Variants in GVQW3 observed in about 807,000 individuals in gnomAD.
GVQW3 encodes GVQW motif containing 3, also known as protein GVQW3.
A neutral mutation model predicts 12.5 loss-of-function variants in GVQW3; 7 were observed. The ratio of observed to expected loss-of-function variants is 0.56; its 90% CI spans 0.32 to 1.05. The LOEUF is 1.05. Ranked by LOEUF, GVQW3 falls within the 50% of genes least tolerant of loss-of-function variation. The pLI, the probability that GVQW3 is intolerant of heterozygous loss-of-function variation, is 0.04. For synonymous variants in GVQW3, 71 were observed against 67.2 expected, an observed-to-expected ratio of 1.06 and a Z score of -0.28; for missense variants, 188 against 190.8, an observed-to-expected ratio of 0.99 and a Z score of 0.09.
chr11:76,395,144 A>G (rs1946928341), intron 1 of GVQW3: 1 of 152,276 alleles, frequency 6.6e-6, no homozygotes, highest in South Asian at 2.1e-4. Context: ...TAAAATTCAT[A>G]TGACAGAATT....
rs2134527528 is a variant in GVQW3, at chr11:76,381,956, T to A, written c.128T>A (p.Val43Asp). 1 of 1,536,346 alleles carries A rather than the reference T, an allele frequency of 6.5e-7. No homozygotes were observed. Among genetic ancestry groups the A allele is most frequent in the Non-Finnish European group, 8.7e-7 (1 of 1,146,966 alleles). ...YGDEVMSRARVFDWHKRFKEG... is the reference protein window; with the variant it reads ...YGDEVMSRARDFDWHKRFKEG... The stretch of plus-strand genomic sequence containing the variant: ...GATGAAGTCATGTCAAGGGCCAGAG[T>A]TTTTGACTGGCACAAAAGGTTTAAA... Residue 43 changes from valine (V) to aspartate (D), a missense_variant, in exon 1 of 2, where the codon GTT (valine) becomes GAT (aspartate). Transcript: ENST00000529331.
intron 1 of GVQW3, among the ~76,000 whole-genome samples, 179 bp from the exon 2 acceptor site, chr11:76,403,481 T>C (rs1947010354): frequency 6.6e-6 from 1 of 152,116 alleles, no homozygotes; most frequent in Non-Finnish European, 1.5e-5. Context: ...TGTTGTTTGT[T>C]TGTTTAGAAA....
At chr11:76,387,834 G>T (rs942837229) in intron 1 of GVQW3, among the ~76,000 whole-genome samples, 5 of 152,248 alleles carry the variant, frequency 3.3e-5, no homozygotes, top group African/African-American at 1.2e-4. Flanking sequence ...GAGGCAGGAG[G>T]ATCACTTGAG....
intron 1 of GVQW3, among the ~76,000 whole-genome samples, chr11:76,396,401 G>A (rs1278416712): frequency 2.0e-5 from 3 of 151,938 alleles, no homozygotes; most frequent in African/African-American, 7.3e-5. Context: ...TGCAAACTAC[G>A]CTTCCCGGGC....
chr11:76,403,783 G>T lies in GVQW3; in HGVS notation c.*25G>T, dbSNP rs1375208170. On this transcript the variant is annotated 3_prime_UTR_variant, in exon 2 of 2. Transcript: ENST00000529331. ...AGCCACCATGCCAAGCCAAAACCAG[G>T]AGTTCAATGGTGTAAATTCCAGTCT... 1 of 563,158 alleles carries T rather than the reference G, an allele frequency of 1.8e-6. No individual in the cohort carries two copies. Among genetic ancestry groups the T allele is most frequent in the Non-Finnish European group, 3.3e-6 (1 of 306,570 alleles). 34.9% of individuals were successfully genotyped at this position (563,158 alleles called of 1,614,324 possible).
chr11:76,412,277 A>C (rs1288895912), downstream of GVQW3: 1 of 152,218 alleles, frequency 6.6e-6, no homozygotes. Flanking sequence ...TTGCCATAGG[A>C]AAGATACAAA....
rs139552216 is a variant in GVQW3, at chr11:76,390,530, G to A, written c.465+8237G>A. On this transcript the variant is annotated intron_variant, in intron 1 of 1. Coordinates refer to ENST00000529331, the MANE Select transcript of GVQW3 (RefSeq NM_001347885.2). The stretch of plus-strand genomic sequence containing the variant: ...AGCACACATTTCAGTGAGGGAGACA[G>A]ACAAGAAATAAGATAAATTAGTAGG... Among the ~76,000 whole-genome samples, 955 of 152,358 alleles carry A rather than the reference G, an allele frequency of 6.3e-3. 1 individual carries two copies. Among genetic ancestry groups the A allele is most frequent in the Non-Finnish European group, 0.01 (694 of 68,044 alleles).
chr11:76,414,306 C>T (rs2134575685), exon 2 of GVQW3: 1 of 152,180 alleles, frequency 6.6e-6, no homozygotes, highest in East Asian at 1.9e-4. Flanking sequence ...CTCTTCAAGA[C>T]CCAGTTCAAA....
downstream of GVQW3, among the ~76,000 whole-genome samples, chr11:76,409,886 C>T (rs923978440): frequency 2.0e-5 from 3 of 152,166 alleles, no homozygotes; most frequent in Admixed American, 2.0e-4. Context: ...AGGCCCTGTG[C>T]TGGGTACTTT....
intron 1 of GVQW3, among the ~76,000 whole-genome samples, chr11:76,391,086 T>G (rs920804930): frequency 1.3e-5 from 2 of 152,170 alleles, no homozygotes; most frequent in Non-Finnish European, 2.9e-5. Context: ...TACAACGTGG[T>G]GGTAGTCGGC....
At chr11:76,412,872 A>G (rs1239342099), downstream of GVQW3, 1 of 152,208 alleles carries the variant, frequency 6.6e-6, no homozygotes, top group Non-Finnish European at 1.5e-5. Flanking sequence ...GTCACAGGCT[A>G]CATTTTTCTC....
rs1565239451 is a variant in GVQW3 at position 76,381,940 on chromosome 11, A to G, written c.112A>G (p.Met38Val). ...AAAAGAAGCTTATGGGGATGAAGTC[A>G]TGTCAAGGGCCAGAGTTTTTGACTG... ...LLKEAYGDEV[M>V]SRARVFDWHK... is the part of the protein sequence containing the mutation. Residue 38 changes from methionine (M) to valine (V), a missense_variant, in exon 1 of 2, where the codon ATG becomes GTG. Coordinates refer to ENST00000529331, the MANE Select transcript of GVQW3 (RefSeq NM_001347885.2). 1 of 1,536,320 alleles carries G rather than the reference A, an allele frequency of 6.5e-7. No individual in the cohort carries two copies. Among genetic ancestry groups the G allele is most frequent in the Non-Finnish European group, 8.7e-7 (1 of 1,146,994 alleles).
chr11:76,397,219 G>C (rs532322182), intron 1 of GVQW3, among the ~76,000 whole-genome samples: 1 of 151,880 alleles, frequency 6.6e-6, no homozygotes, highest in Non-Finnish European at 1.5e-5. Context: ...GGCCAGGATG[G>C]TCTCAATCTC....
In GVQW3 at chr11:76,381,889, TC is replaced by T; in HGVS notation, c.62del (p.Ser21LeufsTer9). 6.5e-7 allele frequency: 1 copy of T among 1,536,336 alleles called. No individual in the cohort carries two copies. The highest frequency in any genetic ancestry group is 8.7e-7 in the Non-Finnish European group (1 of 1,146,954). On this transcript the variant is annotated frameshift_variant, in exon 1 of 2. Coordinates refer to ENST00000529331, the MANE Select transcript of GVQW3 (RefSeq NM_001347885.2). LOFTEE classifies it high-confidence loss of function. ...SIKFCVKLNK[S>X]ASETHHLLKE... ...CAAATTTTGCGTGAAATTGAACAAG[TC>T]TGCAAGTGAGACCCACCATCTTTTA...
Position 76,381,652 on chromosome 11 carries a change from C to T in GVQW3, c.-177C>T. On this transcript the variant is annotated 5_prime_UTR_variant, in exon 1 of 2. Transcript: ENST00000529331. Reference sequence around the variant, plus strand: ...GGCTTCCCAGAACGGATCTCCCCAGCCTCGACTGGAAGCTGAGGGACAAAA... The same window carrying T: ...GGCTTCCCAGAACGGATCTCCCCAGTCTCGACTGGAAGCTGAGGGACAAAA... 1.7e-6 allele frequency: 1 copy of T among 602,278 alleles called. No individual in the cohort carries two copies. The highest frequency in any genetic ancestry group is 2.8e-6 in the Non-Finnish European group (1 of 357,262). 37.3% of individuals were successfully genotyped at this position (602,278 alleles called of 1,614,324 possible).
Position 76,381,787 on chromosome 11 carries a change from A to G in GVQW3, c.-42A>G. Reference sequence around the variant, plus strand: ...ATTGATCTGTCCGTCTTTCCCTTACAGTCGTGGCCTGTTAAACGTTCCTGT... The same window carrying G: ...ATTGATCTGTCCGTCTTTCCCTTACGGTCGTGGCCTGTTAAACGTTCCTGT... On this transcript the variant is annotated 5_prime_UTR_variant, in exon 1 of 2. Transcript: ENST00000529331. 6.8e-7 allele frequency: 1 copy of G among 1,465,610 alleles called. No homozygotes were observed. Among genetic ancestry groups the G allele is most frequent in the South Asian group, 1.4e-5 (1 of 71,610 alleles). 90.8% of individuals were successfully genotyped at this position (1,465,610 alleles called of 1,614,324 possible). A position where few individuals can be genotyped will look rare whatever the true frequency, so the allele number is the denominator to read the frequency against.
Position 76,404,010 on chromosome 11 carries a change from C to A in GVQW3, c.*252C>A. The stretch of plus-strand genomic sequence containing the variant: ...TACCAATTCAAATGCTAATCTCTTC[C>A]GGAAACATCCCCACAGACACACCCA... On this transcript the variant is annotated 3_prime_UTR_variant, in exon 2 of 2. Transcript: ENST00000529331. 2 of 640,024 alleles carry A rather than the reference C, an allele frequency of 3.1e-6. No homozygotes were observed. Among genetic ancestry groups the A allele is most frequent in the Non-Finnish European group, 5.8e-6 (2 of 345,272 alleles). 39.6% of individuals were successfully genotyped at this position (640,024 alleles called of 1,614,324 possible).
At chr11:76,410,434 GT>G (rs66664306), downstream of GVQW3, among the ~76,000 whole-genome samples, 8 of 148,230 alleles carry the variant, frequency 5.4e-5, no homozygotes, top group African/African-American at 1.2e-4. Flanking sequence ...GGTCTGTTTT[GT>G]TTTTTTTTTT....
At position 76,406,425 on chromosome 11, in the gene GVQW3, C is replaced by A. The variant is rs1416161851; in HGVS notation, c.*2667C>A. 6.6e-6 allele frequency: 1 copy of A among 152,252 alleles called. No homozygotes were observed. Among genetic ancestry groups the A allele is most frequent in the Admixed American group, 6.5e-5 (1 of 15,282 alleles). 9.4% of individuals were successfully genotyped at this position (152,252 alleles called of 1,614,324 possible). On this transcript the variant is annotated 3_prime_UTR_variant, in exon 2 of 2. Coordinates refer to ENST00000529331, the MANE Select transcript of GVQW3 (RefSeq NM_001347885.2). ...GGAATGGTCAGGCTAGAAGGTTCAG[C>A]CTTTATTCTGATGATGCCACTACTG... is the stretch of plus-strand genomic sequence containing the variant.
Sources: allele counts gnomAD v4.1 joint callset (sites outside exome capture counted in the v4.1 genomes callset), GRCh38; gene constraint gnomAD v4.1.1; transcripts MANE v1.5; gene names NCBI Gene and HGNC (gene_info 2026-07-23, HGNC 2026-07-21).